The following TENT2 variants were observed in gnomAD, a reference collection of about 807,000 sequenced individuals.
TENT2 encodes poly(A) RNA polymerase GLD2.
In TENT2, 44 loss-of-function variants were observed where a neutral mutation model predicts 72.2. The observed-to-expected ratio is 0.61, with a 90% CI of 0.48 to 0.78. The LOEUF (loss-of-function observed/expected upper bound fraction) is 0.78, where lower values mean the gene tolerates loss of function less well. TENT2 is among the 30% of genes least tolerant of loss of function. The probability of loss-of-function intolerance (pLI) is 0.00; values close to 1 mark genes in which losing one functional copy is unlikely to be tolerated. For missense variants in TENT2, 541 were observed against 569.6 expected (o/e 0.95, Z 0.51); for synonymous variants, 212 against 192.5 (o/e 1.10, Z -0.84).
chr5:79,642,680 G>C, intron 6 of TENT2, 152 bp from the exon 7 acceptor site: 1 of 528,652 alleles, frequency 1.9e-6, no homozygotes, highest in Non-Finnish European at 3.2e-6. Context: ...CTGTTATTTA[G>C]AAAAATAAAT....
chr5:79,647,807 C>G (rs6860936), intron 8 of TENT2, among the ~76,000 whole-genome samples: 30,828 of 151,964 alleles, frequency 0.2, 4,610 homozygotes, highest in African/African-American at 0.42. Context: ...ATTTTTTATA[C>G]ATTGCATCAT....
chr5:79,667,682 A>G (rs927885236), intron 11 of TENT2, among the ~76,000 whole-genome samples: 1 of 152,188 alleles, frequency 6.6e-6, no homozygotes, highest in Non-Finnish European at 1.5e-5. Context: ...AATTATTGAT[A>G]GAATTATAGG....
intron 4 of TENT2, among the ~76,000 whole-genome samples, chr5:79,636,172 CTT>C (rs1404798431): frequency 6.6e-6 from 1 of 152,174 alleles, no homozygotes; most frequent in African/African-American, 2.4e-5. Flanking sequence ...TACTGGAGAT[CTT>C]TTTCACATTT....
chr5:79,668,975 A>G lies in TENT2; in HGVS notation c.1155A>G (p.Ser385=), dbSNP rs1213200009. 13 of 1,613,780 alleles carry G rather than the reference A, an allele frequency of 8.1e-6. No homozygotes were observed. The highest frequency in any genetic ancestry group is 3.3e-5 in the Admixed American group (2 of 59,988). ...NVPPYLSKNE[S]NLGDLLLGFL... ...CTCCTTACCTCTCAAAGAATGAATC[A>G]AACCTTGGGGACCTCTTACTGGGCT... Residue 385 remains serine (S), a synonymous_variant, in exon 12 of 15, where the codon TCA becomes TCG. Transcript: ENST00000453514.
intron 4 of TENT2, among the ~76,000 whole-genome samples, chr5:79,624,578 TCTC>T (rs1159966153): frequency 6.6e-6 from 1 of 152,128 alleles, no homozygotes; most frequent in Non-Finnish European, 1.5e-5. Context: ...AACAGTCACT[TCTC>T]CTGCTCCCTG....
chr5:79,615,335 T>C (rs1359915913), intron 1 of TENT2, among the ~76,000 whole-genome samples: 1 of 152,198 alleles, frequency 6.6e-6, no homozygotes, highest in Non-Finnish European at 1.5e-5. Flanking sequence ...ATGGACCTTA[T>C]TCAGTTATAG....
chr5:79,617,304 A>T (rs1381423209), intron 1 of TENT2, among the ~76,000 whole-genome samples: 1 of 151,618 alleles, frequency 6.6e-6, no homozygotes, highest in East Asian at 1.9e-4. Flanking sequence ...TAAATTTTAT[A>T]TAGTAACTCA....
chr5:79,628,368 T>C (rs1239276572), intron 4 of TENT2, among the ~76,000 whole-genome samples: 1 of 152,206 alleles, frequency 6.6e-6, no homozygotes, highest in African/African-American at 2.4e-5. Context: ...TTTTAGAAAG[T>C]CCTTGCTGTT....
intron 4 of TENT2, among the ~76,000 whole-genome samples, chr5:79,627,396 A>T (rs1771225503): frequency 6.6e-6 from 1 of 152,200 alleles, no homozygotes; most frequent in African/African-American, 2.4e-5. Context: ...ATAACATTTT[A>T]AAATTAGTTA....
chr5:79,613,882 A>T (rs530762434), intron 1 of TENT2: 1 of 152,174 alleles, frequency 6.6e-6, no homozygotes, highest in Non-Finnish European at 1.5e-5. Context: ...AGGTATTTGG[A>T]CAAAATGGAC....
chr5:79,642,943 C>T, intron 7 of TENT2, 33 bp downstream of exon 7: 1 of 1,598,244 alleles, frequency 6.3e-7, no homozygotes, highest in Non-Finnish European at 8.5e-7. Flanking sequence ...TTGTATGTCA[C>T]CTGACGTAAC....
chr5:79,659,556 G>GTATATA (rs71855117), intron 11 of TENT2, among the ~76,000 whole-genome samples: 2,107 of 34,026 alleles, frequency 0.062, 217 homozygotes, highest in Admixed American at 0.07. Flanking sequence ...AAAAAAAAAT[G>GTATATA]TATATATATA....
intron 10 of TENT2, among the ~76,000 whole-genome samples, chr5:79,654,734 A>C (rs1379455306): frequency 6.6e-6 from 1 of 152,022 alleles, no homozygotes; most frequent in East Asian, 1.9e-4. Flanking sequence ...ACTGTACTCC[A>C]GCCTGGGTGA....
At chr5:79,665,745 C>T (rs945113582) in intron 11 of TENT2, among the ~76,000 whole-genome samples, 1 of 151,976 alleles carries the variant, frequency 6.6e-6, no homozygotes, top group African/African-American at 2.4e-5. Flanking sequence ...AAATTTGTAA[C>T]CCAAAAATTT....
At chr5:79,667,279 G>C (rs867586915) in intron 11 of TENT2, among the ~76,000 whole-genome samples, 41 of 152,312 alleles carry the variant, frequency 2.7e-4, no homozygotes, top group African/African-American at 9.6e-4. Context: ...TTAGTAAGAA[G>C]CTTTCAGAGC....
At position 79,641,102 on chromosome 5, in the gene TENT2, T is replaced by C; in HGVS notation, c.581-3T>C. 1 of 1,570,900 alleles carries C rather than the reference T, an allele frequency of 6.4e-7. No individual in the cohort carries two copies. Among genetic ancestry groups the C allele is most frequent in the Non-Finnish European group, 8.6e-7 (1 of 1,167,176 alleles). On this transcript the variant is annotated splice_polypyrimidine_tract_variant and splice_region_variant and intron_variant, in intron 5 of 14. Coordinates refer to ENST00000453514, the MANE Select transcript of TENT2 (RefSeq NM_001114394.3). The stretch of plus-strand genomic sequence containing the variant: ...CTCTTATTACTTTCTTCTGTTTCTT[T>C]AGAAAGCAGACTTTTTTTGGTTGGG...
intron 2 of TENT2, 66 bp from the exon 3 acceptor site, chr5:79,619,928 G>T: frequency 6.9e-7 from 1 of 1,453,602 alleles, no homozygotes; most frequent in South Asian, 1.3e-5. Flanking sequence ...TTTTTTTTCA[G>T]AGACTGGTTT....
Position 79,657,010 on chromosome 5 carries a change from T to C in TENT2, c.1071+9T>C. 6.5e-7 allele frequency: 1 copy of C among 1,543,136 alleles called. No individual in the cohort carries two copies. The highest frequency in any genetic ancestry group is 8.9e-7 in the Non-Finnish European group (1 of 1,117,954). On this transcript the variant is annotated intron_variant, in intron 11 of 14. Coordinates refer to ENST00000453514, the MANE Select transcript of TENT2 (RefSeq NM_001114394.3). ...TCCAAAAAATTTACCCAGTAAGTGT[T>C]TCTTATAAATTATTATAATACATTT...
rs539744289 is a variant in TENT2, at chr5:79,687,923, T to C, written c.*2650T>C. Among the ~76,000 whole-genome samples the C allele has an allele frequency of 5.9e-5, 9 of 152,348 alleles. No individual in the cohort carries two copies. Among genetic ancestry groups the C allele is most frequent in the East Asian group, 3.9e-4 (2 of 5,190 alleles). On this transcript the variant is annotated 3_prime_UTR_variant, in exon 15 of 15. Coordinates refer to ENST00000453514, the MANE Select transcript of TENT2 (RefSeq NM_001114394.3). ...GTTTAACAGATTGCCACAGCTGTGATTGAATTCCTTTTGTACTGGATGAGC... is the reference window on the plus strand; with the variant it reads ...GTTTAACAGATTGCCACAGCTGTGACTGAATTCCTTTTGTACTGGATGAGC...
Sources: allele counts gnomAD v4.1 joint callset (sites outside exome capture counted in the v4.1 genomes callset), GRCh38; gene constraint gnomAD v4.1.1; transcripts MANE v1.5; gene names NCBI Gene and HGNC (gene_info 2026-07-23, HGNC 2026-07-21).